ZMIZ1: variants seen among roughly 807,000 people sequenced by gnomAD.
ZMIZ1 encodes zinc finger MIZ domain-containing protein 1.
A neutral mutation model predicts 113.9 loss-of-function variants in ZMIZ1; 17 were observed. The ratio of observed to expected loss-of-function variants is 0.15; its 90% confidence interval spans 0.10 to 0.22. The LOEUF is 0.22. Among genes scored for constraint, ZMIZ1 ranks in the 10% least tolerant of loss-of-function variants. The probability of loss-of-function intolerance (pLI) is 1.00; values close to 1 mark genes in which losing one functional copy is unlikely to be tolerated. For missense variants in ZMIZ1, 1,059 were observed against 1,477.8 expected, an observed-to-expected ratio of 0.72 and a Z score of 4.65; for synonymous variants, 607 against 603.1, an observed-to-expected ratio of 1.01 and a Z score of -0.09.
intron 1 of ZMIZ1, among the ~76,000 whole-genome samples, chr10:79,116,555 G>T (rs1463893419): frequency 1.3e-5 from 2 of 152,248 alleles, no homozygotes; most frequent in East Asian, 1.9e-4. Context: ...GCCTGTGGGG[G>T]TGCACAGAAG....
At chr10:79,204,723 T>G (rs1589420737) in intron 5 of ZMIZ1, among the ~76,000 whole-genome samples, 1 of 152,118 alleles carries the variant, frequency 6.6e-6, no homozygotes, top group Non-Finnish European at 1.5e-5. Flanking sequence ...GACTGATAGA[T>G]GGATACATAA....
chr10:79,127,545 T>C (rs1844573028), intron 2 of ZMIZ1, among the ~76,000 whole-genome samples: 1 of 142,370 alleles, frequency 7.0e-6, no homozygotes, highest in South Asian at 2.4e-4. Context: ...CATGTCACCC[T>C]CATAATATCA....
chr10:79,251,542 G>GT (rs1850557486), intron 7 of ZMIZ1, among the ~76,000 whole-genome samples: 1 of 152,132 alleles, frequency 6.6e-6, no homozygotes, highest in African/African-American at 2.4e-5. Flanking sequence ...CCATACATCT[G>GT]TTGGGGGTAC....
At chr10:79,176,342 G>A (rs1313409776) in intron 4 of ZMIZ1, among the ~76,000 whole-genome samples, 1 of 152,050 alleles carries the variant, frequency 6.6e-6, no homozygotes, top group Non-Finnish European at 1.5e-5. Flanking sequence ...CTGAGTATTT[G>A]GGATGCCTCT....
chr10:79,299,150 G>T lies in ZMIZ1; in HGVS notation c.1767G>T (p.Val589=). Residue 589 remains valine, a synonymous_variant, in exon 16 of 25, where the codon GTG becomes GTT. Coordinates refer to ENST00000334512, the MANE Select transcript of ZMIZ1 (RefSeq NM_020338.4). The stretch of plus-strand genomic sequence containing the variant: ...ACAACCTGGCGGTCAGCAACCATGT[G>T]TTCCACCTGCGGCCCACGGTCCACC... ...LEHNLAVSNH[V]FHLRPTVHQT... is the part of the protein sequence containing the mutation. The T allele has an allele frequency of 6.2e-7, 1 of 1,610,546 alleles. No homozygotes were observed. Among genetic ancestry groups the T allele is most frequent in the Non-Finnish European group, 8.5e-7 (1 of 1,179,794 alleles).
At chr10:79,178,824 T>C (rs954004451) in intron 4 of ZMIZ1, among the ~76,000 whole-genome samples, 6 of 152,154 alleles carry the variant, frequency 3.9e-5, no homozygotes, top group Admixed American at 3.9e-4. Flanking sequence ...TGCTTTTGGC[T>C]TCCTGCCCTT....
At chr10:79,081,300 G>A (rs535938955) in intron 1 of ZMIZ1, among the ~76,000 whole-genome samples, 45 of 152,170 alleles carry the variant, frequency 3.0e-4, no homozygotes, top group Non-Finnish European at 5.1e-4. Flanking sequence ...TCCTGGGGAG[G>A]TGGCCTTCTT....
intron 1 of ZMIZ1, among the ~76,000 whole-genome samples, chr10:79,097,478 T>A (rs960609991): frequency 6.6e-6 from 1 of 152,216 alleles, no homozygotes; most frequent in African/African-American, 2.4e-5. Context: ...AACCTTTGTT[T>A]ATTTACTTTG....
chr10:79,085,871 T>C (rs567836908), intron 1 of ZMIZ1, among the ~76,000 whole-genome samples: 1 of 152,266 alleles, frequency 6.6e-6, no homozygotes, highest in South Asian at 2.1e-4. Context: ...GCTCCCTGGC[T>C]TTCTAGGGTT....
Position 79,240,638 on chromosome 10 carries a change from C to CTTTTTTTTTTTTTT in ZMIZ1, c.280+24378_280+24391dup, listed in dbSNP as rs56903717. 7.0e-4 allele frequency among the ~76,000 whole-genome samples: 39 copies of CTTTTTTTTTTTTTT among 55,322 alleles called. 5 individuals are homozygous for CTTTTTTTTTTTTTT. The highest frequency in any genetic ancestry group is 2.9e-3 in the East Asian group (3 of 1,032). 36.3% of individuals were successfully genotyped at this position (55,322 alleles called of 152,430 possible). On this transcript the variant is annotated intron_variant, in intron 7 of 24. Coordinates refer to ENST00000334512, the MANE Select transcript of ZMIZ1 (RefSeq NM_020338.4). ...CGTAAATCTAGTGAAGAGTATTTATCTTTTTTTTTTTTTTTTTTTTTTTTT... is the reference window on the plus strand; with the variant it reads ...CGTAAATCTAGTGAAGAGTATTTATCTTTTTTTTTTTTTTTTTTTTTTTTTTTTTTTTTTTTTTT...
intron 8 of ZMIZ1, among the ~76,000 whole-genome samples, chr10:79,278,412 T>TTAG (rs1852442428): frequency 6.6e-6 from 1 of 150,454 alleles, no homozygotes; most frequent in Non-Finnish European, 1.5e-5. Context: ...TTATTATTTA[T>TTAG]TATTATTATT....
chr10:79,214,857 G>A (rs994895782), intron 6 of ZMIZ1, among the ~76,000 whole-genome samples: 2 of 152,246 alleles, frequency 1.3e-5, no homozygotes, highest in Non-Finnish European at 2.9e-5. Context: ...GAAGGCGGGT[G>A]TGAGGGAGCA....
intron 3 of ZMIZ1, among the ~76,000 whole-genome samples, chr10:79,148,239 G>C (rs1845572753): frequency 6.6e-6 from 1 of 152,186 alleles, no homozygotes; most frequent in Admixed American, 6.5e-5. Context: ...GGCCGAACTG[G>C]AATCCAGCAA....
At chr10:79,165,840 CT>C (rs1256076661) in intron 4 of ZMIZ1, among the ~76,000 whole-genome samples, 1 of 151,278 alleles carries the variant, frequency 6.6e-6, no homozygotes, top group East Asian at 1.9e-4. Flanking sequence ...CCAGCTCCCC[CT>C]AGGCGGGCCT....
Position 79,177,185 on chromosome 10 carries a change from T to C in ZMIZ1, c.-50+15052T>C, listed in dbSNP as rs532633647. ...TGTTTCCTGTTGGGGCTGGACTCAG[T>C]GTGGCCTTGGAAAGCTGGCCTCGCT... On this transcript the variant is annotated intron_variant, in intron 4 of 24. Transcript: ENST00000334512. Among the ~76,000 whole-genome samples, 4 of 152,326 alleles carry C rather than the reference T, an allele frequency of 2.6e-5. 1 individual carries two copies. Among genetic ancestry groups the C allele is most frequent in the African/African-American group, 7.2e-5 (3 of 41,564 alleles).
chr10:79,139,392 C>T (rs1225545591), intron 2 of ZMIZ1, among the ~76,000 whole-genome samples: 1 of 152,190 alleles, frequency 6.6e-6, no homozygotes, highest in Non-Finnish European at 1.5e-5. Context: ...TGCTGTTCTG[C>T]TTTTCCTACT....
chr10:79,156,896 G>C (rs1845922564), intron 3 of ZMIZ1, among the ~76,000 whole-genome samples: 1 of 152,200 alleles, frequency 6.6e-6, no homozygotes, highest in African/African-American at 2.4e-5. Context: ...GCTGTGCCTG[G>C]AATGAGGACT....
chr10:79,230,359 C>G (rs1171379235), intron 7 of ZMIZ1, among the ~76,000 whole-genome samples: 1 of 152,202 alleles, frequency 6.6e-6, no homozygotes, highest in Non-Finnish European at 1.5e-5. Flanking sequence ...AGGCTGCTGC[C>G]CTGCTCCAGC....
At position 79,304,079 on chromosome 10, in the gene ZMIZ1, G is replaced by A; in HGVS notation, c.2190G>A (p.Gly730=). ...SGNTTLNGED[G]VEQTAIKVSL... ...ACACGACCCTCAACGGGGAGGATGG[G>A]GTGGAGCAGACGGCCATCAAGGTGT... Residue 730 remains glycine, a synonymous_variant, in exon 19 of 25, where the codon GGG becomes GGA. Transcript: ENST00000334512. 1 of 1,614,212 alleles carries A rather than the reference G, an allele frequency of 6.2e-7. No individual in the cohort carries two copies. The highest frequency in any genetic ancestry group is 8.5e-7 in the Non-Finnish European group (1 of 1,180,048).
Sources: allele counts gnomAD v4.1 joint callset (sites outside exome capture counted in the v4.1 genomes callset), GRCh38; gene constraint gnomAD v4.1.1; transcripts MANE v1.5; gene names NCBI Gene and HGNC (gene_info 2026-07-23, HGNC 2026-07-21).